The following CTNNA2 variants were observed in gnomAD, a reference collection of about 807,000 sequenced individuals.
CTNNA2 encodes the protein catenin alpha-2.
Under a neutral mutation model 101.0 loss-of-function variants are expected in CTNNA2, and 42 were observed. The observed-to-expected ratio is 0.42, with a 90% CI of 0.32 to 0.54. The LOEUF (loss-of-function observed/expected upper bound fraction) is 0.54. Among genes scored for constraint, CTNNA2 ranks in the 20% least tolerant of loss-of-function variants. CTNNA2 has a pLI of 0.14. For synonymous variants in CTNNA2, 450 were observed against 456.4 expected, an observed-to-expected ratio of 0.99 and a Z score of 0.18; for missense variants, 871 against 1,223.1, an observed-to-expected ratio of 0.71 and a Z score of 4.29.
At chr2:79,318,316 A>C (rs1232360192) in intron 3 of CTNNA2, among the ~76,000 whole-genome samples, 2 of 152,166 alleles carry the variant, frequency 1.3e-5, no homozygotes, top group African/African-American at 4.8e-5. Flanking sequence ...AATGTAATCC[A>C]GTCACAAAGG....
chr2:79,883,092 A>G (rs974031385), intron 6 of CTNNA2, among the ~76,000 whole-genome samples: 2 of 152,070 alleles, frequency 1.3e-5, no homozygotes, highest in Admixed American at 6.5e-5. Context: ...GTTTCTTTTC[A>G]ATGGGAGCCT....
intron 7 of CTNNA2, among the ~76,000 whole-genome samples, chr2:80,124,057 C>A (rs943855202): frequency 1.3e-5 from 2 of 152,132 alleles, no homozygotes; most frequent in Admixed American, 6.5e-5. Flanking sequence ...TGCTGCTGTT[C>A]ACAAGCTCCC....
At chr2:79,815,569 G>C (rs1677421989) in intron 3 of CTNNA2, among the ~76,000 whole-genome samples, 1 of 152,128 alleles carries the variant, frequency 6.6e-6, no homozygotes, top group Non-Finnish European at 1.5e-5. Flanking sequence ...TCAGTTGGCT[G>C]TATGTATTGG....
intron 17 of CTNNA2, among the ~76,000 whole-genome samples, chr2:80,608,657 G>T (rs1698221565): frequency 6.6e-6 from 1 of 151,678 alleles, no homozygotes; most frequent in Admixed American, 6.6e-5. Context: ...CCTTTTGTTA[G>T]TCCTAGTAAT....
chr2:79,906,293 TACACAC>T (rs35256196), intron 6 of CTNNA2, among the ~76,000 whole-genome samples: 1 of 149,786 alleles, frequency 6.7e-6, no homozygotes, highest in Admixed American at 6.7e-5. Context: ...TCATCCGGGA[TACACAC>T]ACACACACAC....
intron 7 of CTNNA2, among the ~76,000 whole-genome samples, chr2:80,122,661 A>T (rs565197414): frequency 1.3e-5 from 2 of 152,252 alleles, no homozygotes; most frequent in South Asian, 4.2e-4. Context: ...ACACTCAATA[A>T]ATGTCTGCTA....
intron 9 of CTNNA2, among the ~76,000 whole-genome samples, chr2:80,441,507 G>A (rs1023247179): frequency 6.6e-6 from 1 of 151,872 alleles, no homozygotes; most frequent in African/African-American, 2.4e-5. Flanking sequence ...GCTCATGTTG[G>A]GTTGCAAAAA....
chr2:79,528,889 C>T (rs78598752), intron 1 of CTNNA2, among the ~76,000 whole-genome samples: 3,605 of 152,136 alleles, frequency 0.024, 129 homozygotes, highest in African/African-American at 0.082. Context: ...GGTTTCTACC[C>T]TTAGGACATC....
intron 2 of CTNNA2, among the ~76,000 whole-genome samples, chr2:79,653,548 T>A (rs1004804965): frequency 1.4e-4 from 21 of 152,164 alleles, no homozygotes; most frequent in African/African-American, 5.1e-4. Flanking sequence ...CAAAGAGCCC[T>A]CCTTTCACTT....
In CTNNA2 at chr2:80,193,875, G is replaced by A. The variant is rs563663855; in HGVS notation, c.1057-199336G>A. Among the ~76,000 whole-genome samples the A allele has an allele frequency of 5.9e-5, 9 of 152,264 alleles. 1 individual carries two copies. The South Asian group carries it at 1.0e-3, about 18-fold the overall frequency. On this transcript the variant is annotated intron_variant, in intron 7 of 18. Transcript: ENST00000402739. ...CTGGCCATGAGGACAGGATCTGAAT[G>A]TTTTCATTCTGACCTCTAAATCAGT...
chr2:79,915,756 G>A (rs1686154764), intron 7 of CTNNA2, among the ~76,000 whole-genome samples: 1 of 152,000 alleles, frequency 6.6e-6, no homozygotes, highest in African/African-American at 2.4e-5. Flanking sequence ...ATAATCTTAT[G>A]TTTATTTATA....
At chr2:79,920,937 CT>C (rs35132809) in intron 7 of CTNNA2, among the ~76,000 whole-genome samples, 5,800 of 152,288 alleles carry the variant, frequency 0.038, 133 homozygotes, top group South Asian at 0.049. Context: ...AAGGATGTGT[CT>C]GAGGGCTTGG....
intron 7 of CTNNA2, among the ~76,000 whole-genome samples, chr2:80,001,295 C>T (rs1328359579): frequency 6.6e-6 from 1 of 152,074 alleles, no homozygotes; most frequent in Non-Finnish European, 1.5e-5. Context: ...GGGTTATGGC[C>T]AAACTCAGAA....
At chr2:80,634,279 T>C (rs531968649) in intron 18 of CTNNA2, among the ~76,000 whole-genome samples, 1 of 152,290 alleles carries the variant, frequency 6.6e-6, no homozygotes, top group African/African-American at 2.4e-5. Flanking sequence ...AGCTGCAATT[T>C]GAAAAGTATG....
intron 1 of CTNNA2, among the ~76,000 whole-genome samples, chr2:79,621,508 A>G (rs1678995873): frequency 6.6e-6 from 1 of 152,214 alleles, no homozygotes; most frequent in African/African-American, 2.4e-5. Flanking sequence ...AGCTGGGACA[A>G]TTTGAGCAAT....
chr2:79,374,927 C>A (rs1302586003), intron 4 of CTNNA2, among the ~76,000 whole-genome samples: 2 of 151,936 alleles, frequency 1.3e-5, no homozygotes, highest in African/African-American at 4.8e-5. Flanking sequence ...AATTTACAAT[C>A]TAATAAAAAT....
At chr2:80,201,678 A>G (rs1232278983) in intron 7 of CTNNA2, among the ~76,000 whole-genome samples, 1 of 152,084 alleles carries the variant, frequency 6.6e-6, no homozygotes, top group East Asian at 1.9e-4. Context: ...CCCGGCCACA[A>G]TAATTCTTTT....
At chr2:80,229,996 A>G (rs1379652277) in intron 7 of CTNNA2, among the ~76,000 whole-genome samples, 4 of 152,138 alleles carry the variant, frequency 2.6e-5, no homozygotes, top group Admixed American at 2.6e-4. Flanking sequence ...ATTTTTAGAT[A>G]TAAAAGTACT....
chr2:80,509,597 G>A (rs1688540457), intron 9 of CTNNA2, among the ~76,000 whole-genome samples: 1 of 152,060 alleles, frequency 6.6e-6, no homozygotes, highest in Non-Finnish European at 1.5e-5. Context: ...AAAACCTTGG[G>A]GTCCGTGGGT....
Sources: gnomAD v4.1 joint callset for allele counts (sites outside exome capture counted in the v4.1 genomes callset) on GRCh38, gnomAD v4.1.1 for gene constraint, MANE v1.5 for transcripts, NCBI Gene and HGNC (gene_info 2026-07-23, HGNC 2026-07-21) for gene names.